SOX30: variants seen among roughly 807,000 people sequenced by gnomAD.
SOX30 encodes transcription factor SOX-30.
SOX30 carries 17 observed loss-of-function variants against 58.6 expected under a neutral mutation model. That is an observed-to-expected ratio of 0.29 (90% CI 0.20 to 0.44). SOX30 has a LOEUF of 0.44. Ranked by LOEUF, SOX30 falls within the 20% of genes least tolerant of loss-of-function variation. SOX30 has a pLI of 1.00. For missense variants in SOX30, 951 were observed against 965.8 expected, an observed-to-expected ratio of 0.98 and a Z score of 0.20; for synonymous variants, 421 against 400.2, an observed-to-expected ratio of 1.05 and a Z score of -0.62.
rs556411429 is a variant in SOX30, at chr5:157,652,138, C to T, written c.-60G>A. ...TCAGCCGTTTGTTGGCGACCTTCCC[C>T]CTCCCCCTTTCGGTTAAGAGCCTTG... On this transcript the variant is annotated 5_prime_UTR_variant, in exon 1 of 5. Transcript: ENST00000265007. 4.3e-5 allele frequency: 59 copies of T among 1,381,028 alleles called. No individual in the cohort carries two copies. Among genetic ancestry groups the T allele is most frequent in the Non-Finnish European group, 5.3e-5 (57 of 1,076,034 alleles). The allele number at this position is 1,381,028 out of a possible 1,614,324, so 85.5% of individuals were successfully genotyped here. A position where few individuals can be genotyped will look rare whatever the true frequency, so the allele number is the denominator to read the frequency against.
upstream of SOX30, among the ~76,000 whole-genome samples, chr5:157,655,708 G>A (rs774952658): frequency 1.1e-4 from 17 of 152,082 alleles, no homozygotes; most frequent in Non-Finnish European, 2.2e-4. Flanking sequence ...TTCCCTGAAC[G>A]CCTGGCCTTC....
rs150502541 is a variant in SOX30, at chr5:157,626,557, C to T, written c.2045G>A (p.Ser682Asn). The change falls in exon 5 of 5, where the codon AGT (serine) becomes AAT (asparagine). Residue 682 changes from serine (S) to asparagine (N), a missense_variant. Coordinates refer to ENST00000265007, the MANE Select transcript of SOX30 (RefSeq NM_178424.2). ...GTTCTCACAACTCCGAGAATTTTCA[C>T]TGTGTGTGCATTCACTTGAGTAGTC... ...FRDYSSECTH[S>N]ENSRSCENMN... 12 of 1,614,058 alleles carry T rather than the reference C, an allele frequency of 7.4e-6. No individual in the cohort carries two copies. The African/African-American group carries it at 1.5e-4, about 20-fold the overall frequency.
chr5:157,662,216 TG>T (rs1759590845), intron 2 of SOX30, among the ~76,000 whole-genome samples: 1 of 152,174 alleles, frequency 6.6e-6, no homozygotes, highest in Non-Finnish European at 1.5e-5. Flanking sequence ...ATCCCAATTT[TG>T]GTAATTTCTG....
intron 4 of SOX30, among the ~76,000 whole-genome samples, chr5:157,631,422 C>T (rs1453261301): frequency 2.6e-5 from 4 of 152,134 alleles, no homozygotes; most frequent in African/African-American, 9.7e-5. Context: ...CTCTTGGGTG[C>T]AGTTAAATTA....
chr5:157,642,137 G>A (rs1187804979), intron 3 of SOX30, among the ~76,000 whole-genome samples: 6 of 151,950 alleles, frequency 3.9e-5, no homozygotes, highest in Non-Finnish European at 4.4e-5. Context: ...CCAATGTTGC[G>A]AAACCCCGTC....
chr5:157,659,805 TC>T (rs1759545033), intron 2 of SOX30, among the ~76,000 whole-genome samples: 1 of 152,162 alleles, frequency 6.6e-6, no homozygotes, highest in Non-Finnish European at 1.5e-5. Flanking sequence ...AATCAGGGCT[TC>T]CAGATCACAG....
chr5:157,643,070 C>G (rs1759108154), intron 3 of SOX30, among the ~76,000 whole-genome samples: 1 of 151,806 alleles, frequency 6.6e-6, no homozygotes, highest in Non-Finnish European at 1.5e-5. Flanking sequence ...ATGGCATTCA[C>G]CCAAGAATTT....
At chr5:157,638,108 G>T in intron 4 of SOX30, 122 bp downstream of exon 4, 1 of 997,850 alleles carries the variant, frequency 1.0e-6, no homozygotes, top group Non-Finnish European at 1.4e-6. Context: ...TTGGCTCCTA[G>T]TCAGCAGAAT....
At chr5:157,647,285 A>C (rs1561584553) in intron 2 of SOX30, among the ~76,000 whole-genome samples, 2 of 150,940 alleles carry the variant, frequency 1.3e-5, no homozygotes, top group African/African-American at 2.4e-5. Flanking sequence ...CTGGTCTTGA[A>C]CTCCTGACCT....
rs1759316021 is a variant in SOX30 at position 157,651,059 on chromosome 5, T to TA, written c.967+52dup. 2.3e-5 allele frequency: 31 copies of TA among 1,333,596 alleles called. 1 individual carries two copies. The highest frequency in any genetic ancestry group is 2.9e-5 in the Non-Finnish European group (28 of 976,008). 82.6% of individuals were successfully genotyped at this position (1,333,596 alleles called of 1,614,324 possible). On this transcript the variant is annotated intron_variant, in intron 1 of 4. Transcript: ENST00000265007. ...ACTTGGGAACTGCTGACAAAACAGC[T>TA]ATGGGCAACACAGACGCAGTTTTGA...
At position 157,651,781 on chromosome 5, in the gene SOX30, G is replaced by A; in HGVS notation, c.298C>T (p.Leu100=). ...EAAASSAQAR[L]LQFRPDLRLL... ...CGCAGGTCGGGCCTGAACTGCAACAGCCGCGCCTGCGCGGACGAGGCAGCG... is the reference window on the plus strand; with the variant it reads ...CGCAGGTCGGGCCTGAACTGCAACAACCGCGCCTGCGCGGACGAGGCAGCG... The change falls in exon 1 of 5, where the codon CTG becomes TTG. Residue 100 remains leucine, a synonymous_variant. Transcript: ENST00000265007. 6.4e-7 allele frequency: 1 copy of A among 1,566,792 alleles called. No individual in the cohort carries two copies. The highest frequency in any genetic ancestry group is 8.6e-7 in the Non-Finnish European group (1 of 1,159,790).
chr5:157,665,625 A>G (rs1407004525), intron 2 of SOX30, among the ~76,000 whole-genome samples: 4 of 148,028 alleles, frequency 2.7e-5, no homozygotes, highest in East Asian at 3.9e-4. Flanking sequence ...TAAAATAAAT[A>G]TATATTTTAA....
At chr5:157,660,467 A>T (rs995076360) in intron 2 of SOX30, among the ~76,000 whole-genome samples, 6 of 151,182 alleles carry the variant, frequency 4.0e-5, no homozygotes, top group African/African-American at 1.5e-4. Flanking sequence ...AGTAAAATAA[A>T]ATAAAATATA....
intron 2 of SOX30, among the ~76,000 whole-genome samples, chr5:157,663,043 T>C (rs1182979051): frequency 2.0e-5 from 3 of 152,194 alleles, no homozygotes; most frequent in African/African-American, 7.2e-5. Flanking sequence ...GCTGGTACCA[T>C]TCCTTCTGAA....
intron 4 of SOX30, among the ~76,000 whole-genome samples, chr5:157,635,524 TGA>T (rs1361110324): frequency 6.6e-6 from 1 of 151,940 alleles, no homozygotes; most frequent in African/African-American, 2.4e-5. Flanking sequence ...CTCGGGAGGC[TGA>T]GATAGGAGAA....
intron 4 of SOX30, among the ~76,000 whole-genome samples, chr5:157,630,943 CTATATATATTG>C (rs972356413): frequency 1.7e-5 from 2 of 117,180 alleles, no homozygotes; most frequent in African/African-American, 3.2e-5. Flanking sequence ...TATATATATA[CTATATATATTG>C]TATATATATA....
At chr5:157,637,534 T>A (rs12332141) in intron 4 of SOX30, among the ~76,000 whole-genome samples, 35,872 of 152,024 alleles carry the variant, frequency 0.24, 6,406 homozygotes, top group African/African-American at 0.5. Context: ...CCAGACCCAA[T>A]GAATCAGAAT....
chr5:157,630,794 C>T (rs923788808), intron 4 of SOX30, among the ~76,000 whole-genome samples: 51 of 146,170 alleles, frequency 3.5e-4, no homozygotes, highest in Non-Finnish European at 1.0e-4. Flanking sequence ...ATGGGTCTAG[C>T]TCTGGATATG....
At chr5:157,663,595 C>A (rs1759614338) in intron 2 of SOX30, among the ~76,000 whole-genome samples, 1 of 152,154 alleles carries the variant, frequency 6.6e-6, no homozygotes, top group Admixed American at 6.5e-5. Context: ...GTTGGAAGTT[C>A]TGGCCAGGGC....
Sources: gnomAD v4.1 joint callset for allele counts (sites outside exome capture counted in the v4.1 genomes callset) on GRCh38, gnomAD v4.1.1 for gene constraint, MANE v1.5 for transcripts, NCBI Gene and HGNC (gene_info 2026-07-23, HGNC 2026-07-21) for gene names.